PACRGL: variants seen among roughly 807,000 people sequenced by gnomAD.
The protein encoded by PACRGL is parkin coregulated like, also known as PACRG-like protein.
PACRGL carries 38 observed loss-of-function variants against 34.5 expected under a neutral mutation model. The ratio of observed to expected loss-of-function variants is 1.10; its 90% CI spans 0.85 to 1.44. PACRGL has a LOEUF of 1.44. PACRGL is among the 40% of genes most tolerant of loss of function. The pLI is 0.00. For missense variants in PACRGL, 305 were observed against 281.4 expected, an observed-to-expected ratio of 1.08 and a Z score of -0.60; for synonymous variants, 128 against 100.1, an observed-to-expected ratio of 1.28 and a Z score of -1.66.
At chr4:20,744,638 G>A (rs1195147033) in intron 8 of PACRGL, among the ~76,000 whole-genome samples, 2 of 152,050 alleles carry the variant, frequency 1.3e-5, no homozygotes, top group African/African-American at 4.8e-5. Flanking sequence ...GGATGGGGGA[G>A]GGATAGCATT....
chr4:20,715,542 G>A (rs569769865), intron 7 of PACRGL, among the ~76,000 whole-genome samples: 4 of 152,076 alleles, frequency 2.6e-5, no homozygotes, highest in East Asian at 1.9e-4. Flanking sequence ...TAAATGGAAA[G>A]CACCTACATG....
chr4:20,733,571 T>A (rs1748871377), downstream of PACRGL, among the ~76,000 whole-genome samples: 1 of 152,188 alleles, frequency 6.6e-6, no homozygotes, highest in Non-Finnish European at 1.5e-5. Context: ...TTAAGATGTT[T>A]TAAGCATAGA....
chr4:20,749,028 C>T (rs568245595), intron 8 of PACRGL, among the ~76,000 whole-genome samples: 100 of 151,584 alleles, frequency 6.6e-4, no homozygotes, highest in African/African-American at 1.8e-3. Context: ...CGTGGTGGCA[C>T]GGGCCTGTAA....
chr4:20,724,424 T>C (rs1177065204), intron 7 of PACRGL, among the ~76,000 whole-genome samples: 1 of 152,186 alleles, frequency 6.6e-6, no homozygotes, highest in Non-Finnish European at 1.5e-5. Flanking sequence ...CTCTTATAAA[T>C]TACTCATGTA....
chr4:20,731,499 A>G lies in PACRGL; in HGVS notation c.*4158A>G, dbSNP rs1359456585. On this transcript the variant is annotated 3_prime_UTR_variant, in exon 9 of 9. Coordinates refer to ENST00000503585, the MANE Select transcript of PACRGL (RefSeq NM_001258345.3). ...CTTCAGAGAAAATTTTCCACTGTTTATTTTTTGTGACTGAAGACCATTAGT... is the reference window on the plus strand; with the variant it reads ...CTTCAGAGAAAATTTTCCACTGTTTGTTTTTTGTGACTGAAGACCATTAGT... 2.0e-6 allele frequency: 2 copies of G among 984,796 alleles called. No homozygotes were observed. The highest frequency in any genetic ancestry group is 2.3e-4 in the East Asian group (2 of 8,804). The allele number at this position is 984,796 out of a possible 1,614,324, so 61.0% of individuals were successfully genotyped here. A position where few individuals can be genotyped will look rare whatever the true frequency, so the allele number is the denominator to read the frequency against.
downstream of PACRGL, chr4:20,732,668 T>C (rs747296325): frequency 6.4e-7 from 1 of 1,573,814 alleles, no homozygotes; most frequent in South Asian, 1.1e-5. Context: ...TTGACTTCTG[T>C]TTTAATTCCT....
chr4:20,748,790 T>G (rs1015079523), intron 8 of PACRGL, among the ~76,000 whole-genome samples: 2 of 150,028 alleles, frequency 1.3e-5, no homozygotes, highest in Non-Finnish European at 3.0e-5. Context: ...AGAGTTCATG[T>G]TGGGTTTATT....
At chr4:20,745,199 A>C (rs2149321173) in intron 8 of PACRGL, among the ~76,000 whole-genome samples, 1 of 149,542 alleles carries the variant, frequency 6.7e-6, no homozygotes, top group African/African-American at 2.5e-5. Context: ...GTTGCTGTGA[A>C]CCAATGAAAT....
At position 20,729,483 on chromosome 4, in the gene PACRGL, T is replaced by TGTTTAATAATTTTTAAAC. The variant is rs1384251030; in HGVS notation, c.*2159_*2160insCGTTTAATAATTTTTAAA. ...ATCTGATAATAAACTAATTTTTAAA[T>TGTTTAATAATTTTTAAAC]GTTTAATAATTTTTAAATGTTTAAA... On this transcript the variant is annotated 3_prime_UTR_variant, in exon 9 of 9. Coordinates refer to ENST00000503585, the MANE Select transcript of PACRGL (RefSeq NM_001258345.3). The TGTTTAATAATTTTTAAAC allele has an allele frequency of 8.4e-6, 1 of 119,188 alleles. No individual in the cohort carries two copies. The highest frequency in any genetic ancestry group is 3.7e-5 in the African/African-American group (1 of 27,078). The allele number at this position is 119,188 out of a possible 1,614,324, so 7.4% of individuals were successfully genotyped here. A position where few individuals can be genotyped will look rare whatever the true frequency, so the allele number is the denominator to read the frequency against.
At chr4:20,741,844 G>C (rs529893919) in intron 8 of PACRGL, among the ~76,000 whole-genome samples, 287 of 152,218 alleles carry the variant, frequency 1.9e-3, no homozygotes, top group Admixed American at 3.0e-3. Flanking sequence ...AAGAAGAAAA[G>C]AGAGAAGAAT....
chr4:20,735,518 GTT>G (rs754949562), downstream of PACRGL, among the ~76,000 whole-genome samples: 132 of 130,814 alleles, frequency 1.0e-3, 2 homozygotes, highest in East Asian at 0.021. Context: ...TTCATTTAGT[GTT>G]TTTTTTTTTG....
intron 7 of PACRGL, among the ~76,000 whole-genome samples, chr4:20,717,962 C>T (rs1189051080): frequency 2.0e-5 from 3 of 152,138 alleles, no homozygotes; most frequent in Non-Finnish European, 2.9e-5. Flanking sequence ...TCTTCCTATC[C>T]ATGAGTATGG....
At chr4:20,761,771 G>A in the PACRGL span, among the ~76,000 whole-genome samples, 1 of 152,202 alleles carries the variant, frequency 6.6e-6, no homozygotes, top group African/African-American at 2.4e-5. Flanking sequence ...TGTGTTTTAT[G>A]TTTAATCACA....
downstream of PACRGL, among the ~76,000 whole-genome samples, chr4:20,736,072 T>A (rs1749559632): frequency 6.6e-6 from 1 of 152,234 alleles, no homozygotes; most frequent in Non-Finnish European, 1.5e-5. Flanking sequence ...CATTTAAAAA[T>A]TGTGTAAGCT....
chr4:20,735,919 G>A (rs1749520342), downstream of PACRGL, among the ~76,000 whole-genome samples: 5 of 152,308 alleles, frequency 3.3e-5, no homozygotes, highest in South Asian at 1.0e-3. Context: ...AGGAATGAAA[G>A]CAGAGGGGAA....
chr4:20,722,508 T>G (rs889630724), intron 7 of PACRGL, among the ~76,000 whole-genome samples: 4 of 152,234 alleles, frequency 2.6e-5, no homozygotes, highest in African/African-American at 9.6e-5. Context: ...CCAGCAACAA[T>G]GTGTGGCAAC....
At chr4:20,710,538 A>C (rs28524474) in intron 5 of PACRGL, among the ~76,000 whole-genome samples, 49,113 of 151,790 alleles carry the variant, frequency 0.32, 8,351 homozygotes, top group African/African-American at 0.43. Flanking sequence ...AAAGCACCTG[A>C]GTTCTTTCAC....
Position 20,731,642 on chromosome 4 carries a change from A to G in PACRGL, c.*4301A>G. On this transcript the variant is annotated 3_prime_UTR_variant, in exon 9 of 9. Coordinates refer to ENST00000503585, the MANE Select transcript of PACRGL (RefSeq NM_001258345.3). ...CATACTTGGCTATCTAGGAATTCTA[A>G]TGCTGTGGAGATATGATAGATAATA... The G allele has an allele frequency of 1.0e-6, 1 of 985,282 alleles. No individual in the cohort carries two copies. The highest frequency in any genetic ancestry group is 1.2e-6 in the Non-Finnish European group (1 of 829,844). 61.0% of individuals were successfully genotyped at this position (985,282 alleles called of 1,614,324 possible). A position where few individuals can be genotyped will look rare whatever the true frequency, so the allele number is the denominator to read the frequency against.
At chr4:20,746,291 A>G (rs908743704) in intron 8 of PACRGL, among the ~76,000 whole-genome samples, 1 of 151,954 alleles carries the variant, frequency 6.6e-6, no homozygotes, top group Non-Finnish European at 1.5e-5. Context: ...CAAACATTGC[A>G]TGTTCTCACT....
Sources: allele counts gnomAD v4.1 joint callset (sites outside exome capture counted in the v4.1 genomes callset), GRCh38; gene constraint gnomAD v4.1.1; transcripts MANE v1.5; gene names NCBI Gene and HGNC (gene_info 2026-07-23, HGNC 2026-07-21).